Variants in N4BP2 observed in about 807,000 individuals in gnomAD.
N4BP2 encodes NEDD4 binding protein 2.
N4BP2 carries 91 observed loss-of-function variants against 152.8 expected under a neutral mutation model. The observed-to-expected ratio is 0.60, with a 90% CI of 0.50 to 0.71. The LOEUF (loss-of-function observed/expected upper bound fraction) is 0.71. Among genes scored for constraint, N4BP2 ranks in the 30% least tolerant of loss-of-function variants. N4BP2 has a pLI of 0.00. For missense variants in N4BP2, 1,923 were observed against 2,059.1 expected, an observed-to-expected ratio of 0.93 and a Z score of 1.28; for synonymous variants, 646 against 705.3, an observed-to-expected ratio of 0.92 and a Z score of 1.33.
At chr4:40,100,384 CT>C (rs1202060603) in intron 3 of N4BP2, among the ~76,000 whole-genome samples, 31 of 146,476 alleles carry the variant, frequency 2.1e-4, no homozygotes, top group Admixed American at 3.4e-4. Flanking sequence ...TTTTGGTTTC[CT>C]TTTTTTTTTG....
rs1207950156 is a variant in N4BP2 at position 40,146,890 on chromosome 4, T to C, written c.5143+2090T>C. On this transcript the variant is annotated intron_variant, in intron 16 of 17. Transcript: ENST00000261435. Reference sequence around the variant, plus strand: ...TTGGCTTTTTTTTTTTTTTTTTTTTTCCCCAGGTAATGTTTTTATTTTTAT... The same window carrying C: ...TTGGCTTTTTTTTTTTTTTTTTTTTCCCCCAGGTAATGTTTTTATTTTTAT... Among the ~76,000 whole-genome samples the C allele has an allele frequency of 8.7e-3, 812 of 93,212 alleles. 6 individuals carry two copies. Among genetic ancestry groups the C allele is most frequent in the Middle Eastern group, 0.018 (3 of 168 alleles). 61.2% of individuals were successfully genotyped at this position (93,212 alleles called of 152,430 possible).
downstream of N4BP2, among the ~76,000 whole-genome samples, chr4:40,159,164 C>A (rs748282972): frequency 4.6e-5 from 7 of 152,098 alleles, no homozygotes; most frequent in Admixed American, 6.5e-5. Context: ...TTCTCTGACT[C>A]CTAATATGGA....
the N4BP2 span, chr4:40,167,007 G>A: frequency 6.6e-6 from 1 of 152,100 alleles, no homozygotes; most frequent in African/African-American, 2.4e-5. Context: ...TAGTGAAAAT[G>A]TCATACTTGA....
chr4:40,065,545 C>A (rs2664198), intron 1 of N4BP2, among the ~76,000 whole-genome samples: 8,684 of 152,172 alleles, frequency 0.057, 698 homozygotes, highest in East Asian at 0.42. Flanking sequence ...CAGAAAAAAA[C>A]CAGTAAATGC....
Position 40,102,135 on chromosome 4 carries a change from C to A in N4BP2, c.290C>A (p.Ser97Ter). 6.2e-7 allele frequency: 1 copy of A among 1,612,940 alleles called. No homozygotes were observed. Among genetic ancestry groups the A allele is most frequent in the Non-Finnish European group, 8.5e-7 (1 of 1,179,464 alleles). ...LSATDTKIEE[S>*]SSQSFVASEN... is the part of the protein sequence containing the mutation. ...GCCACTGATACCAAGATAGAAGAAT[C>A]ATCTTCACAAAGTTTCGTTGCTTCT... The change falls in exon 4 of 18, where the codon TCA (serine) becomes TAA (stop). Residue 97 changes from serine to a stop codon, truncating the protein, a stop_gained. Transcript: ENST00000261435. LOFTEE classifies it high-confidence loss of function.
At chr4:40,159,060 G>A (rs1721785564), downstream of N4BP2, among the ~76,000 whole-genome samples, 1 of 152,110 alleles carries the variant, frequency 6.6e-6, no homozygotes, top group African/African-American at 2.4e-5. Context: ...TTATTACATA[G>A]GTAGTGCTAT....
At chr4:40,184,958 AAAAT>A in the N4BP2 span, among the ~76,000 whole-genome samples, 1,431 of 151,620 alleles carry the variant, frequency 9.4e-3, 9 homozygotes, top group South Asian at 0.016. Flanking sequence ...TCTGTCTCAA[AAAAT>A]AAATAAATAA....
Position 40,156,777 on chromosome 4 carries a change from A to G in N4BP2, c.*2540A>G, listed in dbSNP as rs1204700496. 3 of 152,154 alleles carry G rather than the reference A, an allele frequency of 2.0e-5. No homozygotes were observed. The highest frequency in any genetic ancestry group is 4.4e-5 in the Non-Finnish European group (3 of 67,998). The allele number at this position is 152,154 out of a possible 1,614,324, so 9.4% of individuals were successfully genotyped here. A position where few individuals can be genotyped will look rare whatever the true frequency, so the allele number is the denominator to read the frequency against. Reference sequence around the variant, plus strand: ...ATGCTTCAAAATCTGAAATTTTTCGAGCACAGACATGATGCTCAAAGGAAA... The same window carrying G: ...ATGCTTCAAAATCTGAAATTTTTCGGGCACAGACATGATGCTCAAAGGAAA... On this transcript the variant is annotated 3_prime_UTR_variant, in exon 18 of 18. Coordinates refer to ENST00000261435, the MANE Select transcript of N4BP2 (RefSeq NM_018177.6).
Position 40,124,251 on chromosome 4 carries a change from G to A in N4BP2, c.4330+46G>A. On this transcript the variant is annotated intron_variant, in intron 11 of 17. Transcript: ENST00000261435. ...TCTAATGTCTTAATGTTGAAATTTG[G>A]TGTGTGTGTTTGAATTTTAACTCAT... 6.8e-7 allele frequency: 1 copy of A among 1,460,650 alleles called. No homozygotes were observed. Among genetic ancestry groups the A allele is most frequent in the Non-Finnish European group, 9.5e-7 (1 of 1,054,110 alleles). 90.5% of individuals were successfully genotyped at this position (1,460,650 alleles called of 1,614,324 possible).
At chr4:40,085,636 G>A (rs1458241954) in intron 2 of N4BP2, among the ~76,000 whole-genome samples, 6 of 151,648 alleles carry the variant, frequency 4.0e-5, no homozygotes, top group Admixed American at 4.0e-4. Flanking sequence ...TAAATTTTTT[G>A]TAGAGGGAAA....
chr4:40,168,402 T>C, the N4BP2 span, among the ~76,000 whole-genome samples: 1 of 151,868 alleles, frequency 6.6e-6, no homozygotes, highest in South Asian at 2.1e-4. Flanking sequence ...TATAAAGAGA[T>C]TAAAAATTAG....
At chr4:40,071,085 G>A (rs1260524503) in intron 1 of N4BP2, among the ~76,000 whole-genome samples, 2 of 152,078 alleles carry the variant, frequency 1.3e-5, no homozygotes, top group Non-Finnish European at 2.9e-5. Flanking sequence ...ACTACCCGTT[G>A]CATTTGGGTT....
the N4BP2 span, among the ~76,000 whole-genome samples, chr4:40,163,700 AC>A: frequency 6.6e-6 from 1 of 151,878 alleles, no homozygotes; most frequent in African/African-American, 2.4e-5. Flanking sequence ...GAGAAGAAAA[AC>A]CCTCTGTTCT....
chr4:40,087,966 C>A (rs1027642209), intron 2 of N4BP2, among the ~76,000 whole-genome samples: 1 of 152,168 alleles, frequency 6.6e-6, no homozygotes, highest in Non-Finnish European at 1.5e-5. Flanking sequence ...CTATGCTGCC[C>A]AGGATGGTCT....
chr4:40,097,372 A>G lies in N4BP2; in HGVS notation c.32A>G (p.Asn11Ser). ...AGGAGAAGGAAAAATCTTGGGGGAA[A>G]TCCTTTTCGGAAGACTGCAAACCCT... MPRRRKNLGG[N>S]PFRKTANPKE... The change falls in exon 3 of 18, where the codon AAT (asparagine) becomes AGT (serine). Residue 11 changes from asparagine (N) to serine (S), a missense_variant. Transcript: ENST00000261435. The G allele has an allele frequency of 6.2e-7, 1 of 1,613,946 alleles. No individual in the cohort carries two copies. Among genetic ancestry groups the G allele is most frequent in the Non-Finnish European group, 8.5e-7 (1 of 1,179,874 alleles).
the N4BP2 span, among the ~76,000 whole-genome samples, chr4:40,186,518 C>T: frequency 6.6e-5 from 10 of 152,326 alleles, no homozygotes; most frequent in Middle Eastern, 3.4e-3. Context: ...TCCTGCTGTG[C>T]GGCCCAGTTC....
At chr4:40,092,678 C>G (rs1385207097) in intron 2 of N4BP2, among the ~76,000 whole-genome samples, 3 of 137,788 alleles carry the variant, frequency 2.2e-5, no homozygotes, top group Non-Finnish European at 3.1e-5. Context: ...GAGTCTTGCT[C>G]TGTTGCCCAG....
chr4:40,125,640 C>T (rs1006943577), intron 11 of N4BP2, among the ~76,000 whole-genome samples: 6 of 152,132 alleles, frequency 3.9e-5, no homozygotes, highest in African/African-American at 1.4e-4. Context: ...AATCCCAGCA[C>T]GTTGGGAGGC....
chr4:40,143,703 A>G (rs929605438), intron 15 of N4BP2, among the ~76,000 whole-genome samples: 1 of 152,218 alleles, frequency 6.6e-6, no homozygotes, highest in African/African-American at 2.4e-5. Flanking sequence ...GAGCCCTAAC[A>G]GTAGTCCTTG....
Sources: allele counts gnomAD v4.1 joint callset (sites outside exome capture counted in the v4.1 genomes callset), GRCh38; gene constraint gnomAD v4.1.1; transcripts MANE v1.5; gene names NCBI Gene and HGNC (gene_info 2026-07-23, HGNC 2026-07-21).